Variants in DAB2IP observed in about 807,000 individuals in gnomAD.
DAB2IP encodes the protein disabled homolog 2-interacting protein.
In DAB2IP, 28 loss-of-function variants were observed where a neutral mutation model predicts 107.2. The observed-to-expected ratio is 0.26, with a 90% CI of 0.19 to 0.36. The LOEUF is 0.36. Among genes scored for constraint, DAB2IP ranks in the 10% least tolerant of loss-of-function variants. The probability of loss-of-function intolerance (pLI) is 1.00; values close to 1 mark genes in which losing one functional copy is unlikely to be tolerated. For synonymous variants in DAB2IP, 755 were observed against 706.4 expected (o/e 1.07, Z -1.09); for missense variants, 1,400 against 1,644.7 (o/e 0.85, Z 2.57).
chr9:121,687,245 T>C (rs913800995), intron 2 of DAB2IP, among the ~76,000 whole-genome samples: 1 of 152,160 alleles, frequency 6.6e-6, no homozygotes, highest in East Asian at 1.9e-4. Flanking sequence ...GGGCCTGGCA[T>C]GACTGGCTGT....
At chr9:121,614,733 CTTTCT>C (rs1354540156) in intron 1 of DAB2IP, among the ~76,000 whole-genome samples, 112 of 95,552 alleles carry the variant, frequency 1.2e-3, no homozygotes, top group South Asian at 7.3e-3. Context: ...TTCTTTCTTT[CTTTCT>C]TTTTTTTTTT....
At chr9:121,737,383 G>C in intron 3 of DAB2IP, 1 of 985,438 alleles carries the variant, frequency 1.0e-6, no homozygotes, top group Non-Finnish European at 1.2e-6. Context: ...GTTTATTTAA[G>C]TCATTTTTGA....
At chr9:121,784,900 T>TTCCGG (rs1835904351) in exon 16 of DAB2IP, 1 of 152,486 alleles carries the variant, frequency 6.6e-6, no homozygotes, top group Non-Finnish European at 1.5e-5. Flanking sequence ...ACAGAGAACC[T>TTCCGG]GAGTTCCCGG....
intron 1 of DAB2IP, among the ~76,000 whole-genome samples, chr9:121,594,448 G>C (rs1349340190): frequency 6.6e-6 from 1 of 151,946 alleles, no homozygotes; most frequent in Non-Finnish European, 1.5e-5. Flanking sequence ...TGTTGACCAG[G>C]CTGGTCTCGA....
At chr9:121,570,612 G>A (rs550141734) in intron 1 of DAB2IP, among the ~76,000 whole-genome samples, 16 of 152,242 alleles carry the variant, frequency 1.1e-4, no homozygotes, top group South Asian at 2.1e-4. Flanking sequence ...GCAATGGCAT[G>A]ATCACAGCTT....
chr9:121,685,141 C>T (rs1828805637), intron 2 of DAB2IP, among the ~76,000 whole-genome samples: 1 of 152,202 alleles, frequency 6.6e-6, no homozygotes, highest in African/African-American at 2.4e-5. Context: ...GCCCCCTCCG[C>T]CCCCTCCACC....
exon 11 of DAB2IP, chr9:121,770,723 G>A (rs776795669): frequency 7.4e-6 from 12 of 1,613,620 alleles, no homozygotes; most frequent in South Asian, 4.4e-5. Context: ...CGATCTTTCC[G>A]GGTAAGAGCT....
chr9:121,766,770 C>A, intron 9 of DAB2IP, 40 bp downstream of exon 9: 1 of 1,601,832 alleles, frequency 6.2e-7, no homozygotes, highest in Non-Finnish European at 8.5e-7. Flanking sequence ...TTGGGCAGGG[C>A]TGGTGTCCAC....
At chr9:121,781,653 T>A (rs1210855602) in intron 15 of DAB2IP, 102 bp downstream of exon 15, 2 of 1,205,206 alleles carry the variant, frequency 1.7e-6, no homozygotes, top group Non-Finnish European at 2.4e-6. Context: ...CTGCAGACAC[T>A]GAGGGGAATA....
In DAB2IP at chr9:121,715,613, A is replaced by G. The variant is rs142306023; in HGVS notation, c.362+16155A>G. Among the ~76,000 whole-genome samples, 1,488 of 152,134 alleles carry G rather than the reference A, an allele frequency of 9.8e-3. 23 individuals carry two copies. The highest frequency in any genetic ancestry group is 0.032 in the African/African-American group (1,345 of 41,526). On this transcript the variant is annotated intron_variant, in intron 3 of 15. Coordinates refer to ENST00000408936, the Ensembl canonical transcript of DAB2IP. The stretch of plus-strand genomic sequence containing the variant: ...CGTGATCTGCCTGCCTCGGCCTCCC[A>G]AAGTGCTGGGATTACAGGCCTGAGC...
At position 121,770,745 on chromosome 9, in the gene DAB2IP, T is replaced by G; in HGVS notation, c.2078+21T>G. 4.3e-6 allele frequency: 7 copies of G among 1,611,112 alleles called. No homozygotes were observed. In the South Asian group the frequency reaches 5.5e-5, roughly 13 times the overall value. ...TCCGGGTAAGAGCTGCCAGCCATGTTGGGTGTGGTGGGTGCGTGTGCAGAC... is the reference window on the plus strand; with the variant it reads ...TCCGGGTAAGAGCTGCCAGCCATGTGGGGTGTGGTGGGTGCGTGTGCAGAC... On this transcript the variant is annotated intron_variant, in intron 11 of 15. Coordinates refer to ENST00000408936, the Ensembl canonical transcript of DAB2IP.
chr9:121,785,155 G>A (rs1835921496), exon 16 of DAB2IP: 1 of 152,656 alleles, frequency 6.6e-6, no homozygotes, highest in East Asian at 1.9e-4. Context: ...TGCCCAGAAA[G>A]TGGGGGTGGA....
At chr9:121,742,799 C>A (rs541972429) in intron 3 of DAB2IP, 30 of 985,420 alleles carry the variant, frequency 3.0e-5, no homozygotes, top group Non-Finnish European at 3.6e-5. Flanking sequence ...CCTCTTCTTT[C>A]GTGTTGTGTC....
intron 1 of DAB2IP, among the ~76,000 whole-genome samples, chr9:121,595,844 C>A (rs116781207): frequency 0.025 from 3,865 of 152,214 alleles, 158 homozygotes; most frequent in African/African-American, 0.089. Context: ...CTGGGCATAG[C>A]GGCTCATGCC....
At chr9:121,710,298 C>A (rs539746414) in intron 3 of DAB2IP, among the ~76,000 whole-genome samples, 1 of 152,208 alleles carries the variant, frequency 6.6e-6, no homozygotes, top group African/African-American at 2.4e-5. Flanking sequence ...TGCTGCCAGG[C>A]GGTTTGGAAG....
chr9:121,760,595 TG>T lies in DAB2IP; in HGVS notation c.1170+161del, dbSNP rs1833817660. ...TAAACCCAAAAGTTCTATCGTGGGCTGGGGGTTTTGTACTCCTGCTCTGTGG... is the reference window on the plus strand; with the variant it reads ...TAAACCCAAAAGTTCTATCGTGGGCTGGGGTTTTGTACTCCTGCTCTGTGG... On this transcript the variant is annotated intron_variant, in intron 6 of 15. Coordinates refer to ENST00000408936, the Ensembl canonical transcript of DAB2IP. This position sits in a 1 kb window ranked among gnomAD's most constrained non-coding sequence, Gnocchi z 5.9. Among the ~76,000 whole-genome samples the T allele has an allele frequency of 1.3e-5, 2 of 152,144 alleles. No individual in the cohort carries two copies. The highest frequency in any genetic ancestry group is 2.4e-5 in the African/African-American group (1 of 41,436).
intron 3 of DAB2IP, among the ~76,000 whole-genome samples, chr9:121,724,168 A>G (rs1232766531): frequency 3.9e-5 from 6 of 151,970 alleles, no homozygotes; most frequent in African/African-American, 1.5e-4. Flanking sequence ...ACCGAGCCCT[A>G]GACTTGCTCC....
intron 1 of DAB2IP, among the ~76,000 whole-genome samples, chr9:121,579,328 C>T (rs1830139047): frequency 6.6e-6 from 1 of 152,110 alleles, no homozygotes; most frequent in Non-Finnish European, 1.5e-5. Context: ...TCTCCTACCC[C>T]CCCACCCTGA....
At chr9:121,694,945 C>T (rs1204015045) in intron 2 of DAB2IP, among the ~76,000 whole-genome samples, 1 of 152,106 alleles carries the variant, frequency 6.6e-6, no homozygotes, top group Admixed American at 6.5e-5. Context: ...GGGACATGGG[C>T]TGCTTTAATA....
Sources: gnomAD v4.1 joint callset for allele counts (sites outside exome capture counted in the v4.1 genomes callset) on GRCh38, gnomAD v4.1.1 for gene constraint, Gnocchi (gnomAD v3.1) non-coding constraint, MANE v1.5 for transcripts, NCBI Gene and HGNC (gene_info 2026-07-23, HGNC 2026-07-21) for gene names.